Variants in C5orf63 observed in about 807,000 individuals in gnomAD.
C5orf63 encodes chromosome 5 open reading frame 63.
A neutral mutation model predicts 13.3 loss-of-function variants in C5orf63; 18 were observed. The observed-to-expected ratio is 1.36, with a 90% CI of 0.94 to 2.01. C5orf63 has a LOEUF of 2.01. Ranked by LOEUF, C5orf63 falls within the 30% of genes most tolerant of loss-of-function variation. The pLI is 0.00. For synonymous variants in C5orf63, 38 were observed against 44.7 expected (o/e 0.85, Z 0.60); for missense variants, 118 against 127.7 (o/e 0.92, Z 0.36).
chr5:127,069,787 C>T (rs114143217), intron 2 of C5orf63, among the ~76,000 whole-genome samples: 140 of 152,250 alleles, frequency 9.2e-4, no homozygotes, highest in Middle Eastern at 3.4e-3. Flanking sequence ...TTTTTAATAG[C>T]TATCATTGAT....
intron 2 of C5orf63, among the ~76,000 whole-genome samples, chr5:127,066,395 G>C (rs1473391312): frequency 6.6e-6 from 1 of 152,108 alleles, no homozygotes; most frequent in African/African-American, 2.4e-5. Context: ...CAGGTAGAAG[G>C]CTACTGCATT....
Position 127,051,489 on chromosome 5 carries a change from T to C in C5orf63, c.*282A>G, listed in dbSNP as rs1753673120. 2 of 1,235,124 alleles carry C rather than the reference T, an allele frequency of 1.6e-6. No individual in the cohort carries two copies. Among genetic ancestry groups the C allele is most frequent in the Non-Finnish European group, 2.0e-6 (2 of 989,968 alleles). 76.5% of individuals were successfully genotyped at this position (1,235,124 alleles called of 1,614,324 possible). On this transcript the variant is annotated 3_prime_UTR_variant, in exon 5 of 5. Coordinates refer to ENST00000296662, the MANE Select transcript of C5orf63 (RefSeq NM_001164478.2). The stretch of plus-strand genomic sequence containing the variant: ...CAGTGACTGTGAAGTGCTTCTCTAT[T>C]AATACAAAAAGGATAAATAAGACAA...
chr5:127,049,104 G>A (rs574214351), downstream of C5orf63, among the ~76,000 whole-genome samples: 6 of 152,262 alleles, frequency 3.9e-5, no homozygotes, highest in South Asian at 1.2e-3. Context: ...CATGCTTAAG[G>A]ACAGGAAGAA....
chr5:127,053,917 A>G (rs1162805368), intron 3 of C5orf63, among the ~76,000 whole-genome samples: 2 of 152,210 alleles, frequency 1.3e-5, no homozygotes, highest in Non-Finnish European at 2.9e-5. Flanking sequence ...TCTTTAGAGT[A>G]GCATGATTTA....
chr5:127,052,587 A>C (rs1408102972), intron 4 of C5orf63, 26 bp downstream of exon 4: 1 of 1,422,726 alleles, frequency 7.0e-7, no homozygotes, highest in East Asian at 2.7e-5. Flanking sequence ...ATCCATATAC[A>C]TAAAAGCCAC....
At chr5:127,055,287 C>A (rs1161524345) in intron 3 of C5orf63, among the ~76,000 whole-genome samples, 1 of 152,144 alleles carries the variant, frequency 6.6e-6, no homozygotes, top group Non-Finnish European at 1.5e-5. Flanking sequence ...AAAAAAGAGC[C>A]CGCATTGCCA....
intron 4 of C5orf63, among the ~76,000 whole-genome samples, chr5:127,052,168 C>T (rs1253018825): frequency 6.6e-6 from 1 of 152,214 alleles, no homozygotes; most frequent in Non-Finnish European, 1.5e-5. Flanking sequence ...ACCCCTGTTA[C>T]ATTCAGCATC....
chr5:127,061,941 C>T (rs553512476), intron 2 of C5orf63, among the ~76,000 whole-genome samples: 144 of 152,324 alleles, frequency 9.5e-4, no homozygotes, highest in Middle Eastern at 3.4e-3. Flanking sequence ...GATCTGACTA[C>T]GACCAGGGCA....
chr5:127,061,525 C>A (rs1408617742), intron 2 of C5orf63, among the ~76,000 whole-genome samples: 4 of 152,180 alleles, frequency 2.6e-5, no homozygotes, highest in Non-Finnish European at 5.9e-5. Context: ...GATCTGCTAT[C>A]CAGTTGTTCC....
downstream of C5orf63, among the ~76,000 whole-genome samples, chr5:127,050,355 T>A (rs866590090): frequency 1.2e-4 from 19 of 152,260 alleles, no homozygotes; most frequent in Non-Finnish European, 2.1e-4. Flanking sequence ...CTTTTATTTT[T>A]TTTTTTTAAG....
At chr5:127,070,457 A>C (rs1333012902) in intron 2 of C5orf63, among the ~76,000 whole-genome samples, 1 of 152,180 alleles carries the variant, frequency 6.6e-6, no homozygotes, top group South Asian at 2.1e-4. Flanking sequence ...CTGCAATCCC[A>C]TTGGCAACAG....
intron 3 of C5orf63, among the ~76,000 whole-genome samples, chr5:127,053,590 C>T (rs777889194): frequency 6.6e-6 from 1 of 152,266 alleles, no homozygotes; most frequent in Non-Finnish European, 1.5e-5. Context: ...CTGCTCCCCG[C>T]ACCCCACGAC....
chr5:127,064,846 T>C lies in C5orf63; in HGVS notation c.-7-5844A>G, dbSNP rs374458069. The stretch of plus-strand genomic sequence containing the variant: ...AATTTGTATTCAACACACTGCTCAG[T>C]TGAAAACATTCTTTAGCTATTTGAA... On this transcript the variant is annotated intron_variant, in intron 2 of 4. Coordinates refer to ENST00000296662, the MANE Select transcript of C5orf63 (RefSeq NM_001164478.2). Among the ~76,000 whole-genome samples, 5 of 152,366 alleles carry C rather than the reference T, an allele frequency of 3.3e-5. No homozygotes were observed. In the East Asian group the frequency reaches 9.6e-4, roughly 29 times the overall value.
At chr5:127,051,088 C>T (rs1753657410), downstream of C5orf63, among the ~76,000 whole-genome samples, 1 of 152,150 alleles carries the variant, frequency 6.6e-6, no homozygotes, top group Non-Finnish European at 1.5e-5. Flanking sequence ...AACTGAATAA[C>T]TATGAAAGGC....
In C5orf63 at chr5:127,071,451, C is replaced by T. The variant is rs562366492; in HGVS notation, c.-8+133G>A. 6.6e-5 allele frequency: 10 copies of T among 152,286 alleles called. No individual in the cohort carries two copies. The East Asian group carries it at 1.3e-3, about 21-fold the overall frequency. The allele number at this position is 152,286 out of a possible 1,614,324, so 9.4% of individuals were successfully genotyped here. On this transcript the variant is annotated intron_variant, in intron 2 of 4. Transcript: ENST00000296662. ...GGAAGTTAGGGATGTGGAATCATGT[C>T]TAAGATAAACTTAGCCAAAACTTTT...
chr5:127,042,931 G>A (rs2126874609), downstream of C5orf63: 1 of 152,178 alleles, frequency 6.6e-6, no homozygotes, highest in African/African-American at 2.4e-5. Context: ...CTTAAGTAGG[G>A]AATTGCACAT....
intron 2 of C5orf63, among the ~76,000 whole-genome samples, chr5:127,059,654 G>A (rs923930464): frequency 6.6e-6 from 1 of 151,602 alleles, no homozygotes; most frequent in Non-Finnish European, 1.5e-5. Context: ...CCTGAGCCTG[G>A]GAAGTTGGGG....
At chr5:127,065,212 T>C (rs755162759) in intron 2 of C5orf63, among the ~76,000 whole-genome samples, 3 of 152,218 alleles carry the variant, frequency 2.0e-5, no homozygotes, top group Non-Finnish European at 4.4e-5. Context: ...CATTCACTCA[T>C]TAGTTCCACA....
chr5:127,056,119 C>G (rs148821012), intron 3 of C5orf63, among the ~76,000 whole-genome samples: 222 of 152,296 alleles, frequency 1.5e-3, no homozygotes, highest in Non-Finnish European at 2.5e-3. Context: ...ACAGGAACTA[C>G]TCTCAGCATG....
Sources: gnomAD v4.1 joint callset for allele counts (sites outside exome capture counted in the v4.1 genomes callset) on GRCh38, gnomAD v4.1.1 for gene constraint, MANE v1.5 for transcripts, NCBI Gene and HGNC (gene_info 2026-07-23, HGNC 2026-07-21) for gene names.